The following LRRC53 variants were observed in gnomAD, a reference collection of about 807,000 sequenced individuals.
LRRC53 encodes the protein leucine rich repeat containing 53.
Under a neutral mutation model 13.6 loss-of-function variants are expected in LRRC53, and 25 were observed. The ratio of observed to expected loss-of-function variants is 1.83; its 90% CI spans 1.34 to 2.56. LRRC53 has a LOEUF of 2.56. LRRC53 is among the 30% of genes most tolerant of loss of function. LRRC53 has a pLI of 0.00. For synonymous variants in LRRC53, 204 were observed against 109.8 expected (o/e 1.86, Z -5.37); for missense variants, 527 against 275.8 (o/e 1.91, Z -6.45).
At chr1:74,500,195 G>T (rs1669538173) in intron 1 of LRRC53, among the ~76,000 whole-genome samples, 1 of 151,712 alleles carries the variant, frequency 6.6e-6, no homozygotes, top group Non-Finnish European at 1.5e-5. Context: ...TCTTCATCAA[G>T]ATTTTATAAA....
intron 1 of LRRC53, among the ~76,000 whole-genome samples, chr1:74,506,367 AAGGC>A (rs1241917602): frequency 6.6e-6 from 1 of 152,216 alleles, no homozygotes; most frequent in African/African-American, 2.4e-5. Context: ...TGGCCTGCCC[AAGGC>A]TTTGTAACTA....
intron 1 of LRRC53, among the ~76,000 whole-genome samples, chr1:74,484,065 G>A (rs1256109461): frequency 1.3e-5 from 2 of 151,784 alleles, no homozygotes; most frequent in Non-Finnish European, 2.9e-5. Flanking sequence ...AGTATTATAA[G>A]AGTTAAATGG....
chr1:74,471,191 C>T lies in LRRC53; in HGVS notation c.2431G>A (p.Ala811Thr). 2.5e-6 allele frequency: 1 copy of T among 400,706 alleles called. No individual in the cohort carries two copies. The highest frequency in any genetic ancestry group is 4.4e-6 in the Non-Finnish European group (1 of 226,192). 24.8% of individuals were successfully genotyped at this position (400,706 alleles called of 1,614,324 possible). Residue 811 changes from alanine (A) to threonine (T), a missense_variant, in exon 5 of 5, where the codon GCT becomes ACT. Physicochemically the swap from Ala to Thr is moderately conservative, Grantham distance 58. Coordinates refer to ENST00000294635, the MANE Select transcript of LRRC53 (RefSeq NM_001382280.1). ...RNTKRAPLLS[A>T]NNLRVVNQSS... Reference sequence around the variant, plus strand: ...TGGTTGACTACACGCAAGTTGTTAGCACTGAGCAGGGGGGCACGTTTAGTG... The same window carrying T: ...TGGTTGACTACACGCAAGTTGTTAGTACTGAGCAGGGGGGCACGTTTAGTG...
chr1:74,517,621 C>T, the LRRC53 span, among the ~76,000 whole-genome samples: 2 of 152,134 alleles, frequency 1.3e-5, no homozygotes, highest in African/African-American at 2.4e-5. Context: ...TCTGCTATGT[C>T]CAACTCACAG....
At chr1:74,501,717 G>C (rs897850501) in intron 1 of LRRC53, among the ~76,000 whole-genome samples, 7 of 152,038 alleles carry the variant, frequency 4.6e-5, no homozygotes, top group Admixed American at 3.9e-4. Flanking sequence ...GTGTATTCCT[G>C]ACCTTGTGAT....
rs531668933 is a variant in LRRC53 at position 74,473,225 on chromosome 1, T to A, written c.1421-1024A>T. ...ACGTGATCCATTGGACAGATCCTAC[T>A]GTCTTATAACTTTTACAGATGAAGG... On this transcript the variant is annotated intron_variant, in intron 4 of 4. Transcript: ENST00000294635. Among the ~76,000 whole-genome samples, 5 of 152,306 alleles carry A rather than the reference T, an allele frequency of 3.3e-5. No homozygotes were observed. In the South Asian group the frequency reaches 1.0e-3, roughly 32 times the overall value.
chr1:74,520,553 C>T, the LRRC53 span, among the ~76,000 whole-genome samples: 1 of 151,828 alleles, frequency 6.6e-6, no homozygotes, highest in African/African-American at 2.4e-5. Context: ...CTCTTTTGAC[C>T]TTTTCCTTCC....
chr1:74,536,524 T>C, the LRRC53 span, among the ~76,000 whole-genome samples: 1 of 152,164 alleles, frequency 6.6e-6, no homozygotes, highest in Non-Finnish European at 1.5e-5. Flanking sequence ...CTGATGATCA[T>C]TTTTATATTT....
intron 1 of LRRC53, among the ~76,000 whole-genome samples, chr1:74,502,247 T>G (rs1669670786): frequency 1.3e-5 from 2 of 152,218 alleles, no homozygotes. Context: ...TCTCTCCTTT[T>G]GCTGCTGTTT....
At chr1:74,522,933 C>T in the LRRC53 span, among the ~76,000 whole-genome samples, 1 of 152,218 alleles carries the variant, frequency 6.6e-6, no homozygotes, top group African/African-American at 2.4e-5. Flanking sequence ...ACACTTCTAA[C>T]TCCAAGCCCA....
chr1:74,497,897 A>G (rs1311374260), intron 1 of LRRC53, among the ~76,000 whole-genome samples: 1 of 152,180 alleles, frequency 6.6e-6, no homozygotes, highest in African/African-American at 2.4e-5. Context: ...TTTTCATCAT[A>G]CGTTCCAGTG....
chr1:74,489,313 A>G (rs553518006), intron 1 of LRRC53: 1 of 1,528,686 alleles, frequency 6.5e-7, no homozygotes, highest in African/African-American at 1.4e-5. Flanking sequence ...CTGTCAGGGA[A>G]TGTAGATGAG....
intron 3 of LRRC53, among the ~76,000 whole-genome samples, chr1:74,478,674 G>T (rs1668326141): frequency 6.6e-6 from 1 of 152,208 alleles, no homozygotes; most frequent in South Asian, 2.1e-4. Flanking sequence ...AAGTGCTGCA[G>T]TGAGTATACC....
In LRRC53 at chr1:74,470,194, A is replaced by T. The variant is rs920014517; in HGVS notation, c.3428T>A (p.Ile1143Asn). 7.5e-6 allele frequency: 3 copies of T among 400,536 alleles called. No individual in the cohort carries two copies. In the East Asian group the frequency reaches 1.1e-4, roughly 14 times the overall value. The allele number at this position is 400,536 out of a possible 1,614,324, so 24.8% of individuals were successfully genotyped here. Residue 1143 changes from isoleucine (I) to asparagine (N), a missense_variant, in exon 5 of 5, where the codon ATC becomes AAC. Ile to Asn is a moderately radical substitution (Grantham distance 149). Transcript: ENST00000294635. ...ATTTTGGGTTTCATGGGAACTTGTG[A>T]TACTTAAATCTTTAGCTGTAATGGT... ...EETITAKDLS[I>N]TSSHETQNRI...
At chr1:74,524,551 GC>G in the LRRC53 span, among the ~76,000 whole-genome samples, 3 of 152,176 alleles carry the variant, frequency 2.0e-5, no homozygotes, top group Admixed American at 1.3e-4. Flanking sequence ...CTGGAATGAT[GC>G]TCATAAAAGA....
chr1:74,512,101 C>A (rs1021637114), intron 1 of LRRC53, among the ~76,000 whole-genome samples: 2 of 152,170 alleles, frequency 1.3e-5, no homozygotes, highest in African/African-American at 4.8e-5. Flanking sequence ...ATGAAAAGAT[C>A]TGGATGGGAC....
At chr1:74,501,085 T>A (rs1669600817) in intron 1 of LRRC53, among the ~76,000 whole-genome samples, 1 of 152,192 alleles carries the variant, frequency 6.6e-6, no homozygotes, top group South Asian at 2.1e-4. Context: ...TATCTCTTTC[T>A]GGAATTCTAG....
At chr1:74,478,885 C>A (rs1279378069) in intron 3 of LRRC53, among the ~76,000 whole-genome samples, 1 of 152,168 alleles carries the variant, frequency 6.6e-6, no homozygotes, top group Non-Finnish European at 1.5e-5. Context: ...TTAGCACATA[C>A]AATTACTGAC....
chr1:74,501,021 G>T (rs952035668), intron 1 of LRRC53, among the ~76,000 whole-genome samples: 1 of 151,972 alleles, frequency 6.6e-6, no homozygotes, highest in Non-Finnish European at 1.5e-5. Flanking sequence ...CATAAACTCT[G>T]GATAATCCTC....
Sources: allele counts gnomAD v4.1 joint callset (sites outside exome capture counted in the v4.1 genomes callset), GRCh38; gene constraint gnomAD v4.1.1; transcripts MANE v1.5; gene names NCBI Gene and HGNC (gene_info 2026-07-23, HGNC 2026-07-21).